The following ACYP2 variants were observed in gnomAD, a reference collection of about 807,000 sequenced individuals.
ACYP2 encodes the protein acylphosphatase 2.
A neutral mutation model predicts 11.2 loss-of-function variants in ACYP2; 12 were observed. That is an observed-to-expected ratio of 1.08 (90% CI 0.69 to 1.74). The LOEUF is 1.74. Ranked by LOEUF, ACYP2 falls within the 40% of genes most tolerant of loss-of-function variation. The pLI is 0.00. For missense variants in ACYP2, 134 were observed against 101.9 expected (o/e 1.31, Z -1.35); for synonymous variants, 43 against 32.2 (o/e 1.33, Z -1.13).
chr2:54,044,117 G>A (rs1675388260), intron 2 of ACYP2, among the ~76,000 whole-genome samples: 1 of 152,116 alleles, frequency 6.6e-6, no homozygotes, highest in Admixed American at 6.6e-5. Context: ...TGCAACAGAT[G>A]TACACACAGA....
At chr2:54,086,952 A>G (rs1276366918) in intron 4 of ACYP2, among the ~76,000 whole-genome samples, 2 of 152,256 alleles carry the variant, frequency 1.3e-5, no homozygotes, top group African/African-American at 4.8e-5. Flanking sequence ...CAGGATACTT[A>G]TAAAACATTA....
At chr2:54,299,221 T>C (rs1375023608) in intron 6 of ACYP2, among the ~76,000 whole-genome samples, 1 of 152,142 alleles carries the variant, frequency 6.6e-6, no homozygotes, top group Non-Finnish European at 1.5e-5. Flanking sequence ...GTATCTTCCC[T>C]GGAGAATATG....
At chr2:54,115,677 C>T in intron 4 of ACYP2, 1 of 1,608,680 alleles carries the variant, frequency 6.2e-7, no homozygotes, top group Non-Finnish European at 8.5e-7. Flanking sequence ...TCCGGCTCCT[C>T]AACAGAGGGC....
intron 6 of ACYP2, among the ~76,000 whole-genome samples, chr2:54,185,519 C>T (rs77782108): frequency 0.017 from 2,541 of 151,932 alleles, 77 homozygotes; most frequent in African/African-American, 0.055. Context: ...GGTTATTTAC[C>T]GCCTAAAGCA....
intron 2 of ACYP2, among the ~76,000 whole-genome samples, chr2:53,995,488 TTTTA>T (rs374442168): frequency 0.028 from 4,060 of 145,080 alleles, 152 homozygotes; most frequent in African/African-American, 0.091. Flanking sequence ...TTTATTTATT[TTTTA>T]TTTATTTATT....
At chr2:54,280,125 C>T (rs928328096) in intron 6 of ACYP2, among the ~76,000 whole-genome samples, 2 of 152,064 alleles carry the variant, frequency 1.3e-5, no homozygotes, top group Non-Finnish European at 2.9e-5. Flanking sequence ...TTCATTGCAC[C>T]TACTAAGGAA....
chr2:54,276,171 A>G (rs1308131298), intron 6 of ACYP2, among the ~76,000 whole-genome samples: 1 of 145,486 alleles, frequency 6.9e-6, no homozygotes, highest in Non-Finnish European at 1.5e-5. Flanking sequence ...CCAAAATACA[A>G]CTTCATCCAT....
At chr2:54,188,134 C>T (rs189197676) in intron 6 of ACYP2, among the ~76,000 whole-genome samples, 64 of 152,204 alleles carry the variant, frequency 4.2e-4, no homozygotes, top group Admixed American at 3.9e-3. Context: ...TCTGTTATAG[C>T]AGCAGAAAAG....
At chr2:54,266,423 TC>T (rs1319526664) in intron 6 of ACYP2, among the ~76,000 whole-genome samples, 1 of 152,016 alleles carries the variant, frequency 6.6e-6, no homozygotes, top group African/African-American at 2.4e-5. Flanking sequence ...TAAATGTTTT[TC>T]CAACAATTTT....
At chr2:53,988,337 G>A (rs1672126071) in intron 2 of ACYP2, among the ~76,000 whole-genome samples, 1 of 151,982 alleles carries the variant, frequency 6.6e-6, no homozygotes, top group Non-Finnish European at 1.5e-5. Flanking sequence ...TTTATATGTG[G>A]CATGACATTT....
chr2:54,129,382 C>T (rs1199635358), intron 4 of ACYP2, among the ~76,000 whole-genome samples: 1 of 152,102 alleles, frequency 6.6e-6, no homozygotes, highest in African/African-American at 2.4e-5. Flanking sequence ...ATCCTCCTGC[C>T]TCAGCCTCCC....
intron 2 of ACYP2, among the ~76,000 whole-genome samples, chr2:54,039,217 G>GT (rs546709588): frequency 0.28 from 35,044 of 125,930 alleles, 4,997 homozygotes; most frequent in South Asian, 0.43. Flanking sequence ...ATCTTTGGAA[G>GT]TTTTTTTTTT....
At chr2:54,015,413 C>T (rs1673622480) in intron 2 of ACYP2, among the ~76,000 whole-genome samples, 1 of 151,850 alleles carries the variant, frequency 6.6e-6, no homozygotes, top group Non-Finnish European at 1.5e-5. Flanking sequence ...GAGGCTGAGG[C>T]AGGAGACTCG....
chr2:54,228,401 G>T (rs1686095596), intron 6 of ACYP2, among the ~76,000 whole-genome samples: 1 of 152,152 alleles, frequency 6.6e-6, no homozygotes, highest in African/African-American at 2.4e-5. Context: ...GTGTAAGGCA[G>T]GTAGTGTCTT....
At chr2:54,293,723 C>A (rs1689407667) in intron 6 of ACYP2, among the ~76,000 whole-genome samples, 1 of 152,190 alleles carries the variant, frequency 6.6e-6, no homozygotes. Context: ...GGGTGAGTAG[C>A]AGTATCATCC....
chr2:54,056,651 T>C (rs1392691485), intron 3 of ACYP2, among the ~76,000 whole-genome samples: 1 of 152,232 alleles, frequency 6.6e-6, no homozygotes, highest in African/African-American at 2.4e-5. Flanking sequence ...AGTTCTGTTT[T>C]CAAATTATTT....
At chr2:54,165,568 C>CACACACACAT (rs1209994057) in intron 6 of ACYP2, among the ~76,000 whole-genome samples, 1 of 150,688 alleles carries the variant, frequency 6.6e-6, no homozygotes, top group African/African-American at 2.4e-5. Context: ...CACACACACA[C>CACACACACAT]ACACATTAGA....
chr2:54,071,965 C>T (rs900565660), intron 4 of ACYP2, among the ~76,000 whole-genome samples: 2 of 151,974 alleles, frequency 1.3e-5, no homozygotes, highest in South Asian at 2.1e-4. Flanking sequence ...GAGCTGAGAT[C>T]GCACCACTGC....
At chr2:54,288,859 G>C (rs1689189177) in intron 6 of ACYP2, among the ~76,000 whole-genome samples, 1 of 151,978 alleles carries the variant, frequency 6.6e-6, no homozygotes, top group South Asian at 2.1e-4. Flanking sequence ...TGATTGCCAA[G>C]TCCAAACTGC....
Sources: allele counts gnomAD v4.1 joint callset (sites outside exome capture counted in the v4.1 genomes callset), GRCh38; gene constraint gnomAD v4.1.1; transcripts MANE v1.5; gene names NCBI Gene and HGNC (gene_info 2026-07-23, HGNC 2026-07-21).